The following TAF2 variants were observed in gnomAD, a reference collection of about 807,000 sequenced individuals.
The protein encoded by TAF2 is transcription initiation factor TFIID subunit 2.
In TAF2, 61 loss-of-function variants were observed where a neutral mutation model predicts 138.5. The ratio of observed to expected loss-of-function variants is 0.44; its 90% confidence interval spans 0.36 to 0.54. The LOEUF is 0.54. Ranked by LOEUF, TAF2 falls within the 20% of genes least tolerant of loss-of-function variation. The pLI is 0.00. For synonymous variants in TAF2, 475 were observed against 469.9 expected (o/e 1.01, Z -0.14); for missense variants, 1,090 against 1,427.9 (o/e 0.76, Z 3.81).
chr8:119,793,968 ACCCAG>A (rs760442934), intron 9 of TAF2, among the ~76,000 whole-genome samples: 1 of 151,824 alleles, frequency 6.6e-6, no homozygotes, highest in Non-Finnish European at 1.5e-5. Context: ...TTACTCTGTC[ACCCAG>A]GCTGGAGTTC....
intron 3 of TAF2, among the ~76,000 whole-genome samples, chr8:119,812,838 C>T (rs1825190223): frequency 6.6e-6 from 1 of 151,742 alleles, no homozygotes; most frequent in Non-Finnish European, 1.5e-5. Context: ...TTCCTTTATC[C>T]ACTCATCAGT....
chr8:119,751,526 C>G (rs1266574579), intron 22 of TAF2, among the ~76,000 whole-genome samples: 1 of 152,190 alleles, frequency 6.6e-6, no homozygotes, highest in Non-Finnish European at 1.5e-5. Flanking sequence ...GCATTCCAGA[C>G]AGGGTTCATG....
intron 2 of TAF2, among the ~76,000 whole-genome samples, chr8:119,829,512 T>C (rs1285979255): frequency 6.6e-6 from 1 of 152,116 alleles, no homozygotes; most frequent in African/African-American, 2.4e-5. Context: ...TTTCCCTCAA[T>C]TAACTTGTGT....
chr8:119,766,780 G>T (rs1408322052), intron 18 of TAF2, among the ~76,000 whole-genome samples: 5 of 151,416 alleles, frequency 3.3e-5, no homozygotes, highest in African/African-American at 1.2e-4. Flanking sequence ...GTTGCTGTGG[G>T]CCGAGATCAC....
intron 9 of TAF2, 98 bp downstream of exon 9, chr8:119,795,434 A>C: frequency 9.6e-7 from 1 of 1,042,566 alleles, no homozygotes; most frequent in Non-Finnish European, 1.5e-6. Flanking sequence ...GCTGGGAAAA[A>C]TTAGGGATTT....
intron 25 of TAF2, among the ~76,000 whole-genome samples, chr8:119,739,187 C>T (rs1465064961): frequency 6.6e-6 from 1 of 152,130 alleles, no homozygotes; most frequent in Non-Finnish European, 1.5e-5. Context: ...TGCCCGGCCT[C>T]TCTTCTCCAG....
intron 25 of TAF2, among the ~76,000 whole-genome samples, chr8:119,734,261 G>GA (rs891694208): frequency 5.9e-5 from 9 of 151,800 alleles, no homozygotes; most frequent in South Asian, 2.1e-4. Flanking sequence ...AGGAATTTCT[G>GA]AAAAAATATA....
intron 17 of TAF2, 94 bp from the exon 18 acceptor site, chr8:119,778,223 G>T: frequency 1.3e-6 from 1 of 742,890 alleles, no homozygotes; most frequent in East Asian, 2.8e-5. Context: ...GTTACTCTTG[G>T]GCTGACATAG....
At chr8:119,829,143 TG>T (rs1306054563) in intron 2 of TAF2, among the ~76,000 whole-genome samples, 1 of 152,198 alleles carries the variant, frequency 6.6e-6, no homozygotes. Flanking sequence ...TTGCCCCTCC[TG>T]ATCTGCTCTC....
intron 20 of TAF2, 31 bp downstream of exon 20, chr8:119,760,568 A>T (rs1269851710): frequency 6.2e-7 from 1 of 1,608,872 alleles, no homozygotes; most frequent in African/African-American, 1.3e-5. Flanking sequence ...TCTTTCTAAA[A>T]TGATATGAGC....
chr8:119,767,144 G>A lies in TAF2; in HGVS notation c.2365-4536C>T, dbSNP rs908069110. ...ATAATGTGATTGATATAACTTTGTG[G>A]AGGAAGAGTATCTAAAATGAAATAA... On this transcript the variant is annotated intron_variant, in intron 18 of 25. Coordinates refer to ENST00000378164, the MANE Select transcript of TAF2 (RefSeq NM_003184.4). The A allele has an allele frequency of 1.4e-4, 21 of 152,252 alleles. 1 individual carries two copies. The highest frequency in any genetic ancestry group is 1.6e-4 in the Non-Finnish European group (11 of 68,020). The allele number at this position is 152,252 out of a possible 1,614,324, so 9.4% of individuals were successfully genotyped here.
chr8:119,772,203 T>C (rs1821889254), intron 18 of TAF2, among the ~76,000 whole-genome samples: 1 of 152,202 alleles, frequency 6.6e-6, no homozygotes, highest in Non-Finnish European at 1.5e-5. Flanking sequence ...TTTATTGCAT[T>C]GCATGCCTAC....
rs778016441 is a variant in TAF2, at chr8:119,760,618, T to C, written c.2679A>G (p.Ala893=). 11 of 1,613,524 alleles carry C rather than the reference T, an allele frequency of 6.8e-6. No homozygotes were observed. Among genetic ancestry groups the C allele is most frequent in the Non-Finnish European group, 9.3e-6 (11 of 1,179,950 alleles). ...TATTACCTTTAGTATAATCAACAAC[T>C]GCTTCCAAAGCTGCTATCCTAATGT... The part of the protein sequence containing the change: ...FVDIRIAALE[A]VVDYTKVDRS... Residue 893 remains alanine (A), a synonymous_variant, in exon 20 of 26, where the codon GCA becomes GCG. Transcript: ENST00000378164.
At chr8:119,829,860 GTT>G (rs374912220) in intron 2 of TAF2, among the ~76,000 whole-genome samples, 4,305 of 135,118 alleles carry the variant, frequency 0.032, 107 homozygotes, top group South Asian at 0.11. Flanking sequence ...TCTTTTTTTA[GTT>G]TTTTTTTTTT....
chr8:119,832,734 C>G lies in TAF2; in HGVS notation c.-170G>C. ...GGTCGCTGCCCGCCTCAACCTCGCTCCTTCGACTAGCTCCTAGAAGCCGCC... is the reference window on the plus strand; with the variant it reads ...GGTCGCTGCCCGCCTCAACCTCGCTGCTTCGACTAGCTCCTAGAAGCCGCC... On this transcript the variant is annotated 5_prime_UTR_variant, in exon 1 of 26. Transcript: ENST00000378164. 1 of 553,106 alleles carries G rather than the reference C, an allele frequency of 1.8e-6. No homozygotes were observed. Among genetic ancestry groups the G allele is most frequent in the Non-Finnish European group, 3.1e-6 (1 of 317,718 alleles). 34.3% of individuals were successfully genotyped at this position (553,106 alleles called of 1,614,324 possible). A position where few individuals can be genotyped will look rare whatever the true frequency, so the allele number is the denominator to read the frequency against.
chr8:119,731,114 G>C lies in TAF2; in HGVS notation c.*810C>G, dbSNP rs894936721. On this transcript the variant is annotated 3_prime_UTR_variant, in exon 26 of 26. Transcript: ENST00000378164. The stretch of plus-strand genomic sequence containing the variant: ...AGAAATAATTTTGGAAACAGTATGT[G>C]TTGGGTGTGTAAATTGTCCACATTA... 1 of 152,136 alleles carries C rather than the reference G, an allele frequency of 6.6e-6. No individual in the cohort carries two copies. The allele number at this position is 152,136 out of a possible 1,614,324, so 9.4% of individuals were successfully genotyped here.
intron 20 of TAF2, among the ~76,000 whole-genome samples, chr8:119,759,294 C>A (rs1233556918): frequency 6.6e-6 from 1 of 152,028 alleles, no homozygotes; most frequent in Non-Finnish European, 1.5e-5. Context: ...TAAGAATATA[C>A]ACATTATGCT....
intron 18 of TAF2, among the ~76,000 whole-genome samples, chr8:119,765,636 G>T (rs1821370295): frequency 6.6e-6 from 1 of 152,152 alleles, no homozygotes; most frequent in Non-Finnish European, 1.5e-5. Context: ...GACAGTCTTT[G>T]AAGGTTTTTA....
intron 6 of TAF2, among the ~76,000 whole-genome samples, chr8:119,799,483 C>T (rs1473820276): frequency 6.6e-6 from 1 of 152,154 alleles, no homozygotes; most frequent in Non-Finnish European, 1.5e-5. Context: ...AGGACATGAA[C>T]TCATCCTTTT....
Sources: gnomAD v4.1 joint callset for allele counts (sites outside exome capture counted in the v4.1 genomes callset) on GRCh38, gnomAD v4.1.1 for gene constraint, MANE v1.5 for transcripts, NCBI Gene and HGNC (gene_info 2026-07-23, HGNC 2026-07-21) for gene names.